SEMA3A: variants seen among roughly 807,000 people sequenced by gnomAD.
SEMA3A encodes the protein semaphorin 3A, also known as semaphorin-3A.
In SEMA3A, 29 loss-of-function variants were observed where a neutral mutation model predicts 97.9. The ratio of observed to expected loss-of-function variants is 0.30; its 90% CI spans 0.22 to 0.40. The LOEUF is 0.40. SEMA3A is among the 10% of genes least tolerant of loss of function. The pLI is 1.00. For synonymous variants in SEMA3A, 321 were observed against 323.7 expected, an observed-to-expected ratio of 0.99 and a Z score of 0.09; for missense variants, 763 against 951.3, an observed-to-expected ratio of 0.80 and a Z score of 2.60.
chr7:83,996,523 A>G (rs1029440818), intron 12 of SEMA3A, among the ~76,000 whole-genome samples: 1 of 152,012 alleles, frequency 6.6e-6, no homozygotes, highest in Non-Finnish European at 1.5e-5. Flanking sequence ...GGCTGGTCTC[A>G]AACTCCTGAC....
intron 1 of SEMA3A, among the ~76,000 whole-genome samples, chr7:84,478,699 G>A (rs1158458245): frequency 1.3e-5 from 2 of 151,400 alleles, no homozygotes; most frequent in Non-Finnish European, 2.9e-5. Flanking sequence ...CAAATCTAAA[G>A]TGTTATGTTT....
At chr7:84,230,854 T>C (rs1463539890) in intron 3 of SEMA3A, among the ~76,000 whole-genome samples, 1 of 152,012 alleles carries the variant, frequency 6.6e-6, no homozygotes, top group Non-Finnish European at 1.5e-5. Flanking sequence ...AAATGTTTTT[T>C]ATATTTTCAT....
chr7:84,263,080 A>T (rs1213118697), intron 3 of SEMA3A, among the ~76,000 whole-genome samples: 2 of 152,240 alleles, frequency 1.3e-5, no homozygotes, highest in Admixed American at 1.3e-4. Flanking sequence ...TGACATTCAT[A>T]TATTTTCCCA....
chr7:84,150,556 G>C (rs528745502), intron 1 of SEMA3A, among the ~76,000 whole-genome samples: 20 of 152,238 alleles, frequency 1.3e-4, no homozygotes, highest in South Asian at 1.2e-3. Flanking sequence ...GGCGCATCAC[G>C]AGATTATATC....
intron 1 of SEMA3A, among the ~76,000 whole-genome samples, chr7:84,406,098 A>AT (rs1280358693): frequency 1.3e-5 from 2 of 152,212 alleles, no homozygotes; most frequent in Non-Finnish European, 2.9e-5. Context: ...CAAAAAATCA[A>AT]TGAATCCAGG....
rs202072224 is a variant in SEMA3A, at chr7:84,429,550, C to CGAGAGA, written c.-245-57656_-245-57651dup. Among the ~76,000 whole-genome samples the CGAGAGA allele has an allele frequency of 1.5e-4, 9 of 58,592 alleles. No homozygotes were observed. In the Admixed American group the frequency reaches 1.6e-3, roughly 10 times the overall value. 38.4% of individuals were successfully genotyped at this position (58,592 alleles called of 152,430 possible). A position where few individuals can be genotyped will look rare whatever the true frequency, so the allele number is the denominator to read the frequency against. Reference sequence around the variant, plus strand: ...TATATATATATATATATATATATAGCGAGAGAGAGAGAGAGAGAGAGAGGT... The same window carrying CGAGAGA: ...TATATATATATATATATATATATAGCGAGAGAGAGAGAGAGAGAGAGAGAGAGAGGT... On this transcript the variant is annotated intron_variant, in intron 1 of 3. Coordinates refer to the SEMA3A transcript ENST00000424555.
chr7:84,422,529 CT>C (rs1490907032), intron 1 of SEMA3A, among the ~76,000 whole-genome samples: 1 of 151,952 alleles, frequency 6.6e-6, no homozygotes, highest in Non-Finnish European at 1.5e-5. Context: ...CAGTTCTGCT[CT>C]GATCTTAGTT....
In SEMA3A at chr7:84,193,286, C is replaced by T. The variant is rs368250226; in HGVS notation, c.112+1189G>A. On this transcript the variant is annotated intron_variant, in intron 1 of 16. Coordinates refer to ENST00000265362, the MANE Select transcript of SEMA3A (RefSeq NM_006080.3). The stretch of plus-strand genomic sequence containing the variant: ...TTCTGATTTGAGATCCTCATTCACA[C>T]TAGGGCATTCAGAAAAAGATGTTCC... Among the ~76,000 whole-genome samples, 9 of 152,086 alleles carry T rather than the reference C, an allele frequency of 5.9e-5. 1 individual carries two copies. The highest frequency in any genetic ancestry group is 1.3e-4 in the Admixed American group (2 of 15,264).
chr7:84,218,925 C>T (rs117671613), intron 3 of SEMA3A, among the ~76,000 whole-genome samples: 2,025 of 152,158 alleles, frequency 0.013, 21 homozygotes, highest in Non-Finnish European at 0.023. Flanking sequence ...AAATTGACGA[C>T]TCAATCCTAC....
rs1368752425 is a variant in SEMA3A, at chr7:84,005,324, A to G, written c.1360+15T>C. The G allele has an allele frequency of 1.3e-6, 2 of 1,594,040 alleles. No individual in the cohort carries two copies. Among genetic ancestry groups the G allele is most frequent in the African/African-American group, 2.7e-5 (2 of 74,578 alleles). ...TGTTCGGAAAAAAGTTTACAGCTGA[A>G]ATTTAAAAATTTACCTGTTCCGATA... On this transcript the variant is annotated intron_variant, in intron 11 of 16. Coordinates refer to ENST00000265362, the MANE Select transcript of SEMA3A (RefSeq NM_006080.3).
chr7:83,977,283 T>A (rs2116305343), intron 14 of SEMA3A, 87 bp from the exon 15 acceptor site: 1 of 559,220 alleles, frequency 1.8e-6, no homozygotes. Context: ...AAATAAAATA[T>A]ATATATATAT....
At chr7:84,363,388 C>T (rs1385083899) in intron 2 of SEMA3A, among the ~76,000 whole-genome samples, 1 of 151,836 alleles carries the variant, frequency 6.6e-6, no homozygotes, top group East Asian at 1.9e-4. Context: ...AAAATATATA[C>T]CCAGGTGCCT....
At chr7:84,107,867 G>A (rs1441925559) in intron 4 of SEMA3A, among the ~76,000 whole-genome samples, 1 of 152,050 alleles carries the variant, frequency 6.6e-6, no homozygotes, top group Non-Finnish European at 1.5e-5. Context: ...ATTTAAAAGG[G>A]GGAAGTTAGG....
rs989226105 is a variant in SEMA3A, at chr7:84,312,975, A to G, written c.-168-5683T>C. ...ACATATATGTTACATATTGTATATAATATACATTATACATGTGTATATAGA... is the reference window on the plus strand; with the variant it reads ...ACATATATGTTACATATTGTATATAGTATACATTATACATGTGTATATAGA... On this transcript the variant is annotated intron_variant, in intron 2 of 3. Transcript: ENST00000424555. Among the ~76,000 whole-genome samples, 11 of 138,210 alleles carry G rather than the reference A, an allele frequency of 8.0e-5. No homozygotes were observed. The East Asian group carries it at 2.1e-3, about 27-fold the overall frequency. The allele number at this position is 138,210 out of a possible 152,430, so 90.7% of individuals were successfully genotyped here.
chr7:84,102,559 T>C (rs1736186805), intron 4 of SEMA3A, among the ~76,000 whole-genome samples: 2 of 149,238 alleles, frequency 1.3e-5, no homozygotes, highest in Non-Finnish European at 3.0e-5. Context: ...TCCTCTGGTG[T>C]GAATACAGAG....
At chr7:84,333,948 C>G (rs1000870677) in intron 2 of SEMA3A, among the ~76,000 whole-genome samples, 1 of 152,062 alleles carries the variant, frequency 6.6e-6, no homozygotes, top group African/African-American at 2.4e-5. Flanking sequence ...TGTGCTATAT[C>G]CTATATTTAA....
chr7:84,179,249 C>A (rs1213579160), intron 1 of SEMA3A, among the ~76,000 whole-genome samples: 1 of 152,158 alleles, frequency 6.6e-6, no homozygotes, highest in African/African-American at 2.4e-5. Context: ...AAAGATTACA[C>A]AGTCTCTGAT....
chr7:84,312,909 TATATATATATATACAC>T (rs1209775821), intron 2 of SEMA3A, among the ~76,000 whole-genome samples: 59 of 51,668 alleles, frequency 1.1e-3, no homozygotes, highest in Non-Finnish European at 1.4e-3. Flanking sequence ...TATATATATA[TATATATATATATACAC>T]ACACACACAC....
chr7:84,197,830 C>T (rs972734000), upstream of SEMA3A, among the ~76,000 whole-genome samples: 4 of 150,670 alleles, frequency 2.7e-5, no homozygotes, highest in Non-Finnish European at 5.9e-5. Flanking sequence ...ACCTCGGCCT[C>T]CCGGGTTCAA....
Sources: allele counts gnomAD v4.1 joint callset (sites outside exome capture counted in the v4.1 genomes callset), GRCh38; gene constraint gnomAD v4.1.1; transcripts MANE v1.5; gene names NCBI Gene and HGNC (gene_info 2026-07-23, HGNC 2026-07-21).